CARNS1: variants seen among roughly 807,000 people sequenced by gnomAD.
CARNS1 encodes the protein ATP-grasp domain containing 1.
CARNS1 carries 61 observed loss-of-function variants against 74.0 expected under a neutral mutation model. The observed-to-expected ratio is 0.82, with a 90% CI of 0.67 to 1.02. The LOEUF (loss-of-function observed/expected upper bound fraction) is 1.02, where lower values mean the gene tolerates loss of function less well. Ranked by LOEUF, CARNS1 falls within the 50% of genes least tolerant of loss-of-function variation. The pLI is 0.00. For synonymous variants in CARNS1, 568 were observed against 605.5 expected, an observed-to-expected ratio of 0.94 and a Z score of 0.91; for missense variants, 1,278 against 1,308.4, an observed-to-expected ratio of 0.98 and a Z score of 0.36.
At chr11:67,416,130 C>A in intron 1 of CARNS1, 46 bp from the exon 2 acceptor site, 3 of 1,209,950 alleles carry the variant, frequency 2.5e-6, no homozygotes, top group Non-Finnish European at 2.4e-6. Context: ...AGGGACTTGG[C>A]TGCCCTGACT....
In CARNS1 at chr11:67,419,326, AG is replaced by A; in HGVS notation, c.852+85del. 2.7e-6 allele frequency: 4 copies of A among 1,466,536 alleles called. No individual in the cohort carries two copies. In the South Asian group the frequency reaches 4.1e-5, roughly 15 times the overall value. 90.8% of individuals were successfully genotyped at this position (1,466,536 alleles called of 1,614,324 possible). ...GCACGGTTACCAAGTCTGGCTGGAA[AG>A]GTGTCCCTACCTCTTAGCCCTGCCG... On this transcript the variant is annotated intron_variant, in intron 5 of 9. Transcript: ENST00000687366.
At chr11:67,421,346 T>G in intron 9 of CARNS1, 127 bp downstream of exon 9, 1 of 1,096,896 alleles carries the variant, frequency 9.1e-7, no homozygotes. Context: ...GAGGCGGTGC[T>G]TGGGCGGGGC....
chr11:67,422,575 C>G (rs1259589824), intron 9 of CARNS1, among the ~76,000 whole-genome samples: 1 of 152,170 alleles, frequency 6.6e-6, no homozygotes, highest in Non-Finnish European at 1.5e-5. Flanking sequence ...GATCCTCCTG[C>G]TTCGGCCTCC....
In CARNS1 at chr11:67,421,072, C is replaced by G. The variant is rs1863684294; in HGVS notation, c.1479C>G (p.Ala493=). The G allele has an allele frequency of 7.3e-7, 1 of 1,367,572 alleles. No individual in the cohort carries two copies. The highest frequency in any genetic ancestry group is 9.3e-7 in the Non-Finnish European group (1 of 1,071,100). 84.7% of individuals were successfully genotyped at this position (1,367,572 alleles called of 1,614,324 possible). ...LWAAPRLGPA[A]DEAVAAPLVE... ...CCGCGCCGCGGCTGGGGCCGGCGGC[C>G]GACGAGGCGGTGGCGGCGCCGCTGG... is the stretch of plus-strand genomic sequence containing the variant. The change falls in exon 9 of 10, where the codon GCC becomes GCG. Residue 493 remains alanine, a synonymous_variant. Coordinates refer to ENST00000687366, the MANE Select transcript of CARNS1 (RefSeq NM_001166222.2).
At chr11:67,420,517 G>C (rs1029367834) in intron 7 of CARNS1, 92 bp from the exon 8 acceptor site, 1 of 740,324 alleles carries the variant, frequency 1.4e-6, no homozygotes, top group Non-Finnish European at 1.9e-6. Flanking sequence ...TGTCCAGTGA[G>C]GGGTCTGGTC....
chr11:67,421,732 G>GT (rs1863711132), intron 9 of CARNS1, among the ~76,000 whole-genome samples: 4 of 152,108 alleles, frequency 2.6e-5, no homozygotes, highest in Non-Finnish European at 5.9e-5. Context: ...ACTTGTTTTT[G>GT]TTTTTTCTTT....
Position 67,420,788 on chromosome 11 carries a change from C to G in CARNS1, c.1293C>G (p.Ala431=), listed in dbSNP as rs992323977. 1 of 1,236,152 alleles carries G rather than the reference C, an allele frequency of 8.1e-7. No homozygotes were observed. Among genetic ancestry groups the G allele is most frequent in the Admixed American group, 4.3e-5 (1 of 23,152 alleles). 76.6% of individuals were successfully genotyped at this position (1,236,152 alleles called of 1,614,324 possible). The change falls in exon 8 of 10, where the codon GCC becomes GCG. Residue 431 remains alanine, a synonymous_variant. Coordinates refer to ENST00000687366, the MANE Select transcript of CARNS1 (RefSeq NM_001166222.2). ...TGGCCGCCGTGCTGGCTCTGGAGGC[C>G]GGCCTGAGTGCCGAGCAGCGCGGCG... ...AALAAVLALE[A]GLSAEQRGGR...
chr11:67,420,890 G>A, intron 8 of CARNS1, 49 bp from the exon 9 acceptor site: 1 of 1,326,734 alleles, frequency 7.5e-7, no homozygotes, highest in Non-Finnish European at 9.6e-7. Context: ...GCCAGGGGCT[G>A]GAGGGCGGTG....
rs1179737345 is a variant in CARNS1 at position 67,417,764 on chromosome 11, G to A, written c.274+87G>A. ...CTGCTTGCTCATCCCTGTCAAGGTC[G>A]GCCCCTTCCCCTAGGCTCTGGTTCC... On this transcript the variant is annotated intron_variant, in intron 3 of 9. Transcript: ENST00000687366. 6 of 1,005,500 alleles carry A rather than the reference G, an allele frequency of 6.0e-6. 1 individual carries two copies. The highest frequency in any genetic ancestry group is 9.6e-5 in the South Asian group (2 of 20,934). 62.3% of individuals were successfully genotyped at this position (1,005,500 alleles called of 1,614,324 possible).
At position 67,418,736 on chromosome 11, in the gene CARNS1, C is replaced by T. The variant is rs901804004; in HGVS notation, c.365-20C>T. 11 of 1,554,936 alleles carry T rather than the reference C, an allele frequency of 7.1e-6. No homozygotes were observed. The African/African-American group carries it at 1.5e-4, about 21-fold the overall frequency. ...GCATCAAGCCTTCCCTGGCCAGCCA[C>T]TTGCCTTCTCTGCCCACAGGAAACA... On this transcript the variant is annotated intron_variant, in intron 4 of 9. Transcript: ENST00000687366.
At chr11:67,419,730 TA>T (rs754816060) in intron 6 of CARNS1, 22 bp from the exon 7 acceptor site, 26 of 1,597,116 alleles carry the variant, frequency 1.6e-5, no homozygotes, top group Non-Finnish European at 2.1e-5. Context: ...GTGCTGGCCT[TA>T]GACCTCCCCG....
Position 67,419,098 on chromosome 11 carries a change from A to G in CARNS1, c.707A>G (p.Tyr236Cys). The change falls in exon 5 of 10, where the codon TAC becomes TGC. Residue 236 changes from tyrosine to cysteine, a missense_variant. Around this residue, in one of 3 missense-constraint regions of CARNS1, gnomAD observed 1,164 missense variants for 1,156.5 expected, o/e 1.01. Coordinates refer to ENST00000687366, the MANE Select transcript of CARNS1 (RefSeq NM_001166222.2). ...GTGCCAGCAACCCTGGCTTTCACCT[A>G]CAAGCCGCCGGGGCTGCTGCGGGGA... is the stretch of plus-strand genomic sequence containing the variant. ...VAVPATLAFT[Y>C]KPPGLLRGGD... 1.9e-6 allele frequency: 3 copies of G among 1,569,056 alleles called. No individual in the cohort carries two copies. The highest frequency in any genetic ancestry group is 2.6e-6 in the Non-Finnish European group (3 of 1,156,950).
chr11:67,418,713 A>G (rs746269105), intron 4 of CARNS1, 43 bp from the exon 5 acceptor site: 24 of 1,519,570 alleles, frequency 1.6e-5, no homozygotes, highest in Admixed American at 4.0e-5. Context: ...GGCATAGGGC[A>G]TCAAGCCTTC....
chr11:67,418,948 G>A lies in CARNS1; in HGVS notation c.557G>A (p.Gly186Asp), dbSNP rs61743297. 4.6e-3 allele frequency: 7,169 copies of A among 1,575,504 alleles called. 265 individuals are homozygous for A. In the African/African-American group the frequency reaches 0.083, roughly 18 times the overall value. Residue 186 changes from glycine (G) to aspartate (D), a missense_variant, in exon 5 of 10, where the codon GGC becomes GAC. This residue lies in a region of CARNS1 where 1,164 missense variants were observed against 1,156.5 expected (regional missense o/e 1.01). Coordinates refer to ENST00000687366, the MANE Select transcript of CARNS1 (RefSeq NM_001166222.2). ...GGCCTGGGCCTGGGGCCTGGCCGGG[G>A]CCGAGAGGCAGCAGAACTCGCCCGT... ...LAGLGLGPGRGREAAELARDL... is the reference protein window; with the variant it reads ...LAGLGLGPGRDREAAELARDL...
In CARNS1 at chr11:67,424,403, G is replaced by A; in HGVS notation, c.2655G>A (p.Leu885=). ...CCAGCCGTGAGACCCTGCAGGCCCT[G>A]CACGACCGTGGACTGCTACGCCTCA... ...STASRETLQA[L]HDRGLLRLNL... Residue 885 remains leucine (L), a synonymous_variant, in exon 10 of 10, where the codon CTG becomes CTA. Coordinates refer to ENST00000687366, the MANE Select transcript of CARNS1 (RefSeq NM_001166222.2). 1 of 1,590,136 alleles carries A rather than the reference G, an allele frequency of 6.3e-7. No homozygotes were observed.
chr11:67,418,399 C>G (rs549231263), intron 3 of CARNS1, 32 bp from the exon 4 acceptor site: 2 of 1,419,550 alleles, frequency 1.4e-6, no homozygotes, highest in East Asian at 5.5e-5. Flanking sequence ...AAGGGCGCCC[C>G]TGGTGAGCTG....
chr11:67,420,442 G>A (rs1029544716), intron 7 of CARNS1, among the ~76,000 whole-genome samples, 167 bp from the exon 8 acceptor site: 1 of 152,246 alleles, frequency 6.6e-6, no homozygotes, highest in Non-Finnish European at 1.5e-5. Flanking sequence ...CTGGGGACCA[G>A]ATGGGGAGTG....
rs527906068 is a variant in CARNS1 at position 67,419,470 on chromosome 11, T to G, written c.853-17T>G. 38 of 1,610,706 alleles carry G rather than the reference T, an allele frequency of 2.4e-5. No homozygotes were observed. The highest frequency in any genetic ancestry group is 3.2e-5 in the Non-Finnish European group (38 of 1,179,110). ...TGGGGTGGTGTCCAGGAGGCCCCTT[T>G]CCCCTCCTTGCTGCAGGTAGCTGTG... is the stretch of plus-strand genomic sequence containing the variant. On this transcript the variant is annotated splice_polypyrimidine_tract_variant and intron_variant, in intron 5 of 9. Coordinates refer to ENST00000687366, the MANE Select transcript of CARNS1 (RefSeq NM_001166222.2).
At position 67,423,174 on chromosome 11, in the gene CARNS1, T is replaced by G. The variant is rs1052917332; in HGVS notation, c.1627-201T>G. The stretch of plus-strand genomic sequence containing the variant: ...AGCTTAGGCATTGCCTCCTCTAGGA[T>G]GCCTTCCCTCCCCTCCGGCCTGTAT... On this transcript the variant is annotated intron_variant, in intron 9 of 9. Transcript: ENST00000687366. This position sits in a 1 kb window ranked among gnomAD's most constrained non-coding sequence, Gnocchi z 5.1. Among the ~76,000 whole-genome samples the G allele has an allele frequency of 6.6e-6, 1 of 152,214 alleles. No homozygotes were observed. Among genetic ancestry groups the G allele is most frequent in the South Asian group, 2.1e-4 (1 of 4,828 alleles).
Sources: allele counts gnomAD v4.1 joint callset (sites outside exome capture counted in the v4.1 genomes callset), GRCh38; gene constraint gnomAD v4.1.1; regional missense constraint gnomAD v4.1.1; non-coding constraint Gnocchi (gnomAD v3.1); transcripts MANE v1.5; gene names NCBI Gene and HGNC (gene_info 2026-07-23, HGNC 2026-07-21).